Variants in TBC1D5 observed in about 807,000 individuals in gnomAD.
TBC1D5 encodes TBC1 domain family member 5, also known as TBC1 domain family, member 5.
Under a neutral mutation model 100.3 loss-of-function variants are expected in TBC1D5, and 75 were observed. The observed-to-expected ratio is 0.75, with a 90% CI of 0.62 to 0.91. The LOEUF (loss-of-function observed/expected upper bound fraction) is 0.91, where lower values mean the gene tolerates loss of function less well. TBC1D5 is among the 40% of genes least tolerant of loss of function. The probability of loss-of-function intolerance (pLI) is 0.00; values close to 1 mark genes in which losing one functional copy is unlikely to be tolerated. For synonymous variants in TBC1D5, 323 were observed against 325.6 expected (o/e 0.99, Z 0.09); for missense variants, 910 against 942.4 (o/e 0.97, Z 0.45).
intron 2 of TBC1D5, among the ~76,000 whole-genome samples, chr3:17,594,272 T>C (rs1386570908): frequency 1.3e-5 from 2 of 152,080 alleles, no homozygotes; most frequent in Non-Finnish European, 2.9e-5. Flanking sequence ...GTGCATGGAA[T>C]ACAGGAAATC....
intron 1 of TBC1D5, among the ~76,000 whole-genome samples, chr3:17,719,104 C>T (rs536566917): frequency 8.5e-5 from 13 of 152,100 alleles, no homozygotes; most frequent in African/African-American, 1.2e-4. Context: ...CCTCTCAATA[C>T]TGCAATAATT....
At chr3:17,239,624 G>C (rs1576207991) in intron 16 of TBC1D5, among the ~76,000 whole-genome samples, 1 of 152,094 alleles carries the variant, frequency 6.6e-6, no homozygotes, top group Non-Finnish European at 1.5e-5. Context: ...CAGTTCCAAA[G>C]GTCTATTCTT....
At chr3:17,197,465 C>T (rs2070852311) in intron 18 of TBC1D5, among the ~76,000 whole-genome samples, 1 of 152,102 alleles carries the variant, frequency 6.6e-6, no homozygotes, top group Non-Finnish European at 1.5e-5. Flanking sequence ...CAGCCCTGAA[C>T]TCCTAGGTTT....
At chr3:17,160,241 T>C (rs1343290821) in exon 22 of TBC1D5, 1 of 152,248 alleles carries the variant, frequency 6.6e-6, no homozygotes. Context: ...AAAGTTGATA[T>C]GGCCTAAGGA....
intron 3 of TBC1D5, among the ~76,000 whole-genome samples, chr3:17,467,550 CAA>C (rs1442412006): frequency 6.6e-6 from 1 of 151,788 alleles, no homozygotes; most frequent in Admixed American, 6.6e-5. Flanking sequence ...AATATAGACA[CAA>C]AAAAGTTACA....
intron 1 of TBC1D5, among the ~76,000 whole-genome samples, chr3:17,636,239 T>C (rs2153686681): frequency 6.6e-6 from 1 of 152,176 alleles, no homozygotes; most frequent in East Asian, 1.9e-4. Context: ...TATAAGCATA[T>C]TGATGGGAAA....
chr3:17,568,690 C>T (rs906093335), intron 2 of TBC1D5, among the ~76,000 whole-genome samples: 5 of 151,384 alleles, frequency 3.3e-5, no homozygotes, highest in Non-Finnish European at 7.4e-5. Flanking sequence ...TTTTATAATT[C>T]ATTACTATTG....
intron 13 of TBC1D5, among the ~76,000 whole-genome samples, chr3:17,311,544 T>C (rs531921414): frequency 1.3e-5 from 2 of 152,202 alleles, no homozygotes; most frequent in East Asian, 1.9e-4. Context: ...GCTTGGTGAC[T>C]GACCCACGGA....
intron 8 of TBC1D5, among the ~76,000 whole-genome samples, chr3:17,400,141 G>T (rs1051297028): frequency 6.6e-6 from 1 of 151,940 alleles, no homozygotes; most frequent in Non-Finnish European, 1.5e-5. Context: ...TCCTATCTGT[G>T]TTATTCACCA....
chr3:17,701,734 T>C (rs2153882583), intron 1 of TBC1D5, among the ~76,000 whole-genome samples: 1 of 152,220 alleles, frequency 6.6e-6, no homozygotes, highest in South Asian at 2.1e-4. Flanking sequence ...AGGTCTGAGA[T>C]GCAAGAAAAA....
chr3:17,556,015 A>C (rs1407333241), intron 2 of TBC1D5, among the ~76,000 whole-genome samples: 4 of 151,914 alleles, frequency 2.6e-5, no homozygotes, highest in Non-Finnish European at 5.9e-5. Context: ...GAAATTGCTG[A>C]TATTTAATAG....
rs377597194 is a variant in TBC1D5 at position 17,212,672 on chromosome 3, G to T, written c.1752+1535C>A. On this transcript the variant is annotated intron_variant, in intron 18 of 21. Coordinates refer to ENST00000253692, the Ensembl canonical transcript of TBC1D5. ...TGGAAACAATGATACTGATGATCCT[G>T]ACCCTGGTTAGGCCTAGCCTAATGT... 1.3e-4 allele frequency among the ~76,000 whole-genome samples: 20 copies of T among 151,962 alleles called. No homozygotes were observed. In the East Asian group the frequency reaches 1.9e-3, roughly 15 times the overall value.
intron 1 of TBC1D5, among the ~76,000 whole-genome samples, chr3:17,722,298 T>C (rs907558389): frequency 2.6e-5 from 4 of 152,194 alleles, no homozygotes; most frequent in Admixed American, 1.3e-4. Flanking sequence ...GTGTTTCAGA[T>C]TTTTTTTCAA....
At chr3:17,520,649 A>AG (rs1406024863) in intron 2 of TBC1D5, among the ~76,000 whole-genome samples, 1 of 152,158 alleles carries the variant, frequency 6.6e-6, no homozygotes, top group African/African-American at 2.4e-5. Flanking sequence ...AATTTAGTTA[A>AG]GAAAAAGTCC....
chr3:17,649,310 C>T (rs2065309362), intron 1 of TBC1D5, among the ~76,000 whole-genome samples: 1 of 151,796 alleles, frequency 6.6e-6, no homozygotes, highest in African/African-American at 2.4e-5. Context: ...CACACACTGG[C>T]GTCTACTTGA....
At chr3:17,414,524 A>G (rs766343231) in intron 4 of TBC1D5, among the ~76,000 whole-genome samples, 38 of 152,232 alleles carry the variant, frequency 2.5e-4, no homozygotes, top group Non-Finnish European at 1.0e-4. Context: ...TGAAAATACT[A>G]TTCAAATAGA....
At chr3:17,273,762 G>A (rs947651648) in intron 15 of TBC1D5, among the ~76,000 whole-genome samples, 28 of 148,568 alleles carry the variant, frequency 1.9e-4, no homozygotes, top group African/African-American at 4.8e-4. Flanking sequence ...AGCTGAGATC[G>A]CGCCACTGCA....
rs2077082857 is a variant in TBC1D5, at chr3:17,737,855, T to C, written c.-101+1488A>G. ...AAAAAAAAACCCAGTTAACATCTTT[T>C]CTAGGCAACTGAATTAAGAAAAAGA... On this transcript the variant is annotated intron_variant, in intron 1 of 21. Coordinates refer to ENST00000253692, the Ensembl canonical transcript of TBC1D5. Among the ~76,000 whole-genome samples, 2 of 152,278 alleles carry C rather than the reference T, an allele frequency of 1.3e-5. 1 individual carries two copies. Among genetic ancestry groups the C allele is most frequent in the South Asian group, 4.1e-4 (2 of 4,822 alleles).
chr3:17,486,518 G>A (rs1163315326), intron 3 of TBC1D5, among the ~76,000 whole-genome samples: 1 of 152,146 alleles, frequency 6.6e-6, no homozygotes, highest in East Asian at 1.9e-4. Context: ...TCTCTTCACA[G>A]TACATGAGTA....
Sources: gnomAD v4.1 joint callset for allele counts (sites outside exome capture counted in the v4.1 genomes callset) on GRCh38, gnomAD v4.1.1 for gene constraint, MANE v1.5 for transcripts, NCBI Gene and HGNC (gene_info 2026-07-23, HGNC 2026-07-21) for gene names.